Variants in SMURF2 observed in about 807,000 individuals in gnomAD.
The protein encoded by SMURF2 is SMAD specific E3 ubiquitin protein ligase 2, also known as E3 ubiquitin-protein ligase SMURF2.
In SMURF2, 48 loss-of-function variants were observed where a neutral mutation model predicts 109.6. That is an observed-to-expected ratio of 0.44 (90% confidence interval 0.35 to 0.56). The LOEUF is 0.56. Among genes scored for constraint, SMURF2 ranks in the 20% least tolerant of loss-of-function variants. The pLI, the probability that SMURF2 is intolerant of heterozygous loss-of-function variation, is 0.01. For synonymous variants in SMURF2, 288 were observed against 317.1 expected (o/e 0.91, Z 0.97); for missense variants, 575 against 909.0 (o/e 0.63, Z 4.72).
At chr17:64,559,123 G>T (rs528780474) in intron 12 of SMURF2, among the ~76,000 whole-genome samples, 149 of 152,214 alleles carry the variant, frequency 9.8e-4, no homozygotes, top group African/African-American at 3.5e-3. Context: ...TTTGGTGTGT[G>T]TATGTGTTTT....
rs1300165472 is a variant in SMURF2 at position 64,555,241 on chromosome 17, A to T, written c.1611-248T>A. The stretch of plus-strand genomic sequence containing the variant: ...CTTGGTCAAAGCTGGGCCTTGCTAG[A>T]ACCACCAATATAGGACAATTTCAGT... On this transcript the variant is annotated intron_variant, in intron 14 of 18. Coordinates refer to ENST00000262435, the MANE Select transcript of SMURF2 (RefSeq NM_022739.4). Among the ~76,000 whole-genome samples the T allele has an allele frequency of 2.0e-5, 3 of 152,340 alleles. No individual in the cohort carries two copies. The East Asian group carries it at 5.8e-4, about 29-fold the overall frequency.
rs188445525 is a variant in SMURF2 at position 64,614,114 on chromosome 17, G to A, written c.53-7474C>T. Among the ~76,000 whole-genome samples, 855 of 152,270 alleles carry A rather than the reference G, an allele frequency of 5.6e-3. 2 individuals are homozygous for A. The highest frequency in any genetic ancestry group is 8.3e-3 in the Non-Finnish European group (563 of 68,024). The stretch of plus-strand genomic sequence containing the variant: ...ACGATGGGAAGTGGTTGTAAATACA[G>A]ATGATGCTTCACTGGCTCATCTCCT... On this transcript the variant is annotated intron_variant, in intron 1 of 18. Coordinates refer to ENST00000262435, the MANE Select transcript of SMURF2 (RefSeq NM_022739.4).
At chr17:64,598,073 C>G (rs551185743) in intron 3 of SMURF2, among the ~76,000 whole-genome samples, 7 of 152,216 alleles carry the variant, frequency 4.6e-5, no homozygotes, top group African/African-American at 1.7e-4. Context: ...CAACCCAAAT[C>G]CTTATTTCTG....
intron 11 of SMURF2, among the ~76,000 whole-genome samples, 184 bp from the exon 12 acceptor site, chr17:64,561,787 A>G (rs1167902807): frequency 1.3e-5 from 2 of 151,766 alleles, no homozygotes; most frequent in African/African-American, 4.8e-5. Context: ...ACCTGAGGCC[A>G]GGAATTCTAG....
chr17:64,657,090 T>C (rs1178997500), intron 1 of SMURF2, among the ~76,000 whole-genome samples: 1 of 152,194 alleles, frequency 6.6e-6, no homozygotes. Flanking sequence ...AAAAAGGTCT[T>C]AATCCATACT....
At position 64,547,821 on chromosome 17, in the gene SMURF2, T is replaced by C. The variant is rs141901854; in HGVS notation, c.1870-20A>G. The C allele has an allele frequency of 8.1e-4, 1,313 of 1,611,360 alleles. 1 individual carries two copies. Among genetic ancestry groups the C allele is most frequent in the Middle Eastern group, 1.3e-3 (8 of 6,054 alleles). Reference sequence around the variant, plus strand: ...AATGAGCTGTGAAAATAGTACACAGTAATGAACCTGTGGAAACCACAGCCA... The same window carrying C: ...AATGAGCTGTGAAAATAGTACACAGCAATGAACCTGTGGAAACCACAGCCA... On this transcript the variant is annotated intron_variant, in intron 16 of 18. Coordinates refer to ENST00000262435, the MANE Select transcript of SMURF2 (RefSeq NM_022739.4). This position sits in a 1 kb window ranked among gnomAD's most constrained non-coding sequence, Gnocchi z 4.2.
At position 64,635,768 on chromosome 17, in the gene SMURF2, T is replaced by C. The variant is rs571248675; in HGVS notation, c.52+26061A>G. On this transcript the variant is annotated intron_variant, in intron 1 of 18. Transcript: ENST00000262435. ...GTTTCCACCCAACTATTTTGGCTGTTATGAATAATGCTACTATGCACAAGA... is the reference window on the plus strand; with the variant it reads ...GTTTCCACCCAACTATTTTGGCTGTCATGAATAATGCTACTATGCACAAGA... 2.6e-5 allele frequency among the ~76,000 whole-genome samples: 4 copies of C among 152,360 alleles called. No homozygotes were observed. The East Asian group carries it at 7.7e-4, about 29-fold the overall frequency.
At chr17:64,562,522 G>C (rs1305723029) in intron 11 of SMURF2, among the ~76,000 whole-genome samples, 1 of 151,300 alleles carries the variant, frequency 6.6e-6, no homozygotes, top group Admixed American at 6.6e-5. Context: ...TGGGATTACA[G>C]GCATGTGCCA....
At chr17:64,595,427 A>T (rs1300425413) in intron 3 of SMURF2, among the ~76,000 whole-genome samples, 1 of 152,212 alleles carries the variant, frequency 6.6e-6, no homozygotes, top group Non-Finnish European at 1.5e-5. Flanking sequence ...AAAAACAGTA[A>T]ATTCCTTTTG....
At chr17:64,630,648 C>T (rs1386430039) in intron 1 of SMURF2, among the ~76,000 whole-genome samples, 2 of 152,110 alleles carry the variant, frequency 1.3e-5, no homozygotes, top group African/African-American at 4.8e-5. Context: ...AGAGTTGAAA[C>T]AATTTTAGCA....
chr17:64,638,795 C>T (rs1010438703), intron 1 of SMURF2, among the ~76,000 whole-genome samples: 2 of 152,220 alleles, frequency 1.3e-5, no homozygotes, highest in East Asian at 1.9e-4. Flanking sequence ...GTTAGCACAA[C>T]AGACATAGAG....
At position 64,587,193 on chromosome 17, in the gene SMURF2, T is replaced by A. The variant is rs556519092; in HGVS notation, c.401-1023A>T. Among the ~76,000 whole-genome samples the A allele has an allele frequency of 2.2e-3, 341 of 152,014 alleles. 4 individuals are homozygous for A. Among genetic ancestry groups the A allele is most frequent in the Non-Finnish European group, 3.8e-4 (26 of 67,938 alleles). On this transcript the variant is annotated intron_variant, in intron 5 of 18. Coordinates refer to ENST00000262435, the MANE Select transcript of SMURF2 (RefSeq NM_022739.4). The stretch of plus-strand genomic sequence containing the variant: ...CCGTCTCAAAAAAATAAATAAATAA[T>A]AAATAAATAAAAATACACTGTATTC...
intron 1 of SMURF2, among the ~76,000 whole-genome samples, chr17:64,656,044 A>G (rs554310821): frequency 6.6e-6 from 1 of 152,376 alleles, no homozygotes; most frequent in Admixed American, 6.5e-5. Flanking sequence ...GAATTGGTTA[A>G]TAAATAATGA....
intron 2 of SMURF2, among the ~76,000 whole-genome samples, chr17:64,604,945 A>G (rs1430710127): frequency 6.6e-6 from 1 of 151,218 alleles, no homozygotes; most frequent in East Asian, 1.9e-4. Flanking sequence ...CTCCGTCTAA[A>G]AAAAAAAAAA....
intron 1 of SMURF2, among the ~76,000 whole-genome samples, chr17:64,647,228 G>C (rs780502739): frequency 1.2e-4 from 18 of 148,774 alleles, no homozygotes; most frequent in Non-Finnish European, 2.2e-4. Flanking sequence ...TTCCTTGCTA[G>C]AAAAAATACA....
intron 1 of SMURF2, among the ~76,000 whole-genome samples, chr17:64,630,809 G>A (rs1049723639): frequency 6.6e-6 from 1 of 152,134 alleles, no homozygotes; most frequent in Admixed American, 6.5e-5. Context: ...TATCATTGCG[G>A]AGAACTTAAA....
chr17:64,564,418 T>A (rs1344086307), intron 10 of SMURF2, among the ~76,000 whole-genome samples: 1 of 152,102 alleles, frequency 6.6e-6, no homozygotes, highest in East Asian at 1.9e-4. Flanking sequence ...TGGCTGGAGA[T>A]GGGGTGTTAT....
chr17:64,547,372 G>A lies in SMURF2; in HGVS notation c.2071+228C>T, dbSNP rs569857974. Among the ~76,000 whole-genome samples the A allele has an allele frequency of 7.3e-4, 111 of 152,238 alleles. No individual in the cohort carries two copies. The South Asian group carries it at 0.022, about 30-fold the overall frequency. On this transcript the variant is annotated intron_variant, in intron 17 of 18. Coordinates refer to ENST00000262435, the MANE Select transcript of SMURF2 (RefSeq NM_022739.4). The surrounding 1 kb of genome is among the most constrained non-coding windows in gnomAD (Gnocchi z 4.2). The stretch of plus-strand genomic sequence containing the variant: ...ACAAAGGCAGAGCATCACCACGTAC[G>A]GTCTCTAGCATGCGGCACTCACTAC...
At chr17:64,591,804 T>C (rs1281181827) in intron 4 of SMURF2, among the ~76,000 whole-genome samples, 6 of 152,240 alleles carry the variant, frequency 3.9e-5, no homozygotes, top group Admixed American at 3.9e-4. Context: ...TCTGTCTACT[T>C]ATCTGTGAAT....
Sources: allele counts gnomAD v4.1 joint callset (sites outside exome capture counted in the v4.1 genomes callset), GRCh38; gene constraint gnomAD v4.1.1; non-coding constraint Gnocchi (gnomAD v3.1); transcripts MANE v1.5; gene names NCBI Gene and HGNC (gene_info 2026-07-23, HGNC 2026-07-21).